Variants in NAV1 observed in about 807,000 individuals in gnomAD.
The protein encoded by NAV1 is pore membrane and/or filament interacting like protein 3.
NAV1 carries 18 observed loss-of-function variants against 175.2 expected under a neutral mutation model. That is an observed-to-expected ratio of 0.10 (90% confidence interval 0.07 to 0.15). The LOEUF (loss-of-function observed/expected upper bound fraction) is 0.15, where lower values mean the gene tolerates loss of function less well. Ranked by LOEUF, NAV1 falls within the 10% of genes least tolerant of loss-of-function variation. The pLI is 1.00. For missense variants in NAV1, 1,731 were observed against 2,436.6 expected (o/e 0.71, Z 6.10); for synonymous variants, 897 against 978.7 (o/e 0.92, Z 1.56).
At chr1:201,800,012 T>C (rs932118379) in intron 15 of NAV1, among the ~76,000 whole-genome samples, 1 of 152,092 alleles carries the variant, frequency 6.6e-6, no homozygotes, top group Non-Finnish European at 1.5e-5. Flanking sequence ...TATTTATTTA[T>C]TTTTTGAGAG....
rs368056560 is a variant in NAV1, at chr1:201,748,464, A to ACCAGCCT, written c.1226+29713_1226+29719dup. ...CTGCAGTTACCTCAGCAGGGAACCT[A>ACCAGCCT]CCAGCCTCCACCAAGCTCTACCCCT... On this transcript the variant is annotated intron_variant, in intron 3 of 29. Coordinates refer to ENST00000367296, the Ensembl canonical transcript of NAV1. Among the ~76,000 whole-genome samples the ACCAGCCT allele has an allele frequency of 7.0e-4, 107 of 151,980 alleles. 1 individual carries two copies. Among genetic ancestry groups the ACCAGCCT allele is most frequent in the African/African-American group, 2.4e-3 (99 of 41,476 alleles).
Position 201,726,074 on chromosome 1 carries a change from A to C in NAV1, c.1226+7319A>C, listed in dbSNP as rs564101165. On this transcript the variant is annotated intron_variant, in intron 3 of 29. Coordinates refer to ENST00000367296, the Ensembl canonical transcript of NAV1. ...TGATAGCTGTTGCTTCATTGAAGAT[A>C]ATATCTAACAATTAGAATGCTGACT... Among the ~76,000 whole-genome samples the C allele has an allele frequency of 5.2e-5, 8 of 152,402 alleles. No individual in the cohort carries two copies. The South Asian group carries it at 1.2e-3, about 24-fold the overall frequency.
chr1:201,785,419 C>T (rs1571491832), intron 8 of NAV1, 68 bp downstream of exon 12: 1 of 1,493,382 alleles, frequency 6.7e-7, no homozygotes, highest in Non-Finnish European at 9.2e-7. Context: ...AATCATATCT[C>T]AACCTGTCCA....
At chr1:201,604,633 G>T (rs1329139512) in intron 2 of NAV1, among the ~76,000 whole-genome samples, 3 of 148,106 alleles carry the variant, frequency 2.0e-5, no homozygotes, top group Non-Finnish European at 4.4e-5. Context: ...AGTGAGCCGA[G>T]ATCGTGCCAC....
upstream of NAV1, among the ~76,000 whole-genome samples, chr1:201,648,016 C>G (rs936493422): frequency 6.6e-6 from 1 of 151,462 alleles, no homozygotes; most frequent in Non-Finnish European, 1.5e-5. Flanking sequence ...CCCTACCCCC[C>G]ACTCATCCGC....
intron 3 of NAV1, among the ~76,000 whole-genome samples, chr1:201,731,341 G>A (rs779464005): frequency 5.9e-5 from 9 of 152,208 alleles, no homozygotes; most frequent in Admixed American, 3.3e-4. Context: ...CAGGCCCGCC[G>A]ATGTGCAGGG....
chr1:201,712,377 C>T (rs148339789), intron 1 of NAV1, among the ~76,000 whole-genome samples: 6 of 152,322 alleles, frequency 3.9e-5, no homozygotes, highest in South Asian at 4.1e-4. Context: ...CACCACACAT[C>T]GGTGTCCCCT....
intron 3 of NAV1, among the ~76,000 whole-genome samples, chr1:201,753,789 G>T (rs996469012): frequency 1.3e-5 from 2 of 152,194 alleles, no homozygotes; most frequent in African/African-American, 4.8e-5. Flanking sequence ...CACACTGGGG[G>T]TTACATAAAG....
intron 3 of NAV1, among the ~76,000 whole-genome samples, chr1:201,775,634 G>A (rs560231354): frequency 2.6e-5 from 4 of 152,208 alleles, no homozygotes; most frequent in Admixed American, 6.5e-5. Context: ...ACTATGCAAG[G>A]ACATTGGAAA....
chr1:201,789,300 G>A (rs925173369), intron 10 of NAV1, among the ~76,000 whole-genome samples: 15 of 152,166 alleles, frequency 9.9e-5, no homozygotes, highest in African/African-American at 3.4e-4. Context: ...TCATCTGAAT[G>A]ATCCCCAAGA....
intron 2 of NAV1, among the ~76,000 whole-genome samples, chr1:201,634,646 G>A (rs1238964193): frequency 1.3e-5 from 2 of 152,196 alleles, no homozygotes; most frequent in Admixed American, 6.5e-5. Flanking sequence ...TACAGGAGGA[G>A]GGAGGAGATT....
intron 6 of NAV1, 148 bp downstream of exon 10, chr1:201,783,017 CAAGGTTCTGAAAG>C: frequency 1.5e-6 from 1 of 686,522 alleles, no homozygotes; most frequent in Non-Finnish European, 2.4e-6. Context: ...CCCCATATGC[CAAGGTTCTGAAAG>C]AATCTAGTTT....
At chr1:201,803,450 A>G in intron 15 of NAV1, 143 bp from the exon 20 acceptor site, 1 of 787,802 alleles carries the variant, frequency 1.3e-6, no homozygotes, top group Non-Finnish European at 2.0e-6. Flanking sequence ...ATGTTTGCTG[A>G]ATGAATGATC....
chr1:201,789,106 G>A (rs1349403714), intron 10 of NAV1, among the ~76,000 whole-genome samples: 1 of 152,190 alleles, frequency 6.6e-6, no homozygotes, highest in Non-Finnish European at 1.5e-5. Flanking sequence ...CCATCTGATT[G>A]TTGGTGGTGA....
intron 1 of NAV1, among the ~76,000 whole-genome samples, chr1:201,678,563 T>G (rs1670349085): frequency 1.3e-5 from 2 of 152,146 alleles, no homozygotes; most frequent in South Asian, 4.2e-4. Context: ...TCTCCTATAG[T>G]GAGTTTCCTA....
chr1:201,769,047 TG>T (rs1430889660), intron 3 of NAV1, among the ~76,000 whole-genome samples: 2 of 152,226 alleles, frequency 1.3e-5, no homozygotes, highest in Non-Finnish European at 2.9e-5. Flanking sequence ...TGAGTCTGTA[TG>T]TATTTAATTC....
intron 2 of NAV1, among the ~76,000 whole-genome samples, chr1:201,617,192 T>C (rs1008836507): frequency 6.9e-6 from 1 of 144,150 alleles, no homozygotes; most frequent in Non-Finnish European, 1.5e-5. Context: ...CTGATAAGAT[T>C]CCCCAATCTC....
intron 1 of NAV1, among the ~76,000 whole-genome samples, chr1:201,669,330 G>A (rs894919545): frequency 1.3e-5 from 2 of 152,178 alleles, no homozygotes; most frequent in African/African-American, 2.4e-5. Context: ...CTCTGAGGAG[G>A]TGAGCCTTCA....
chr1:201,631,315 G>C (rs1031261541), intron 2 of NAV1, among the ~76,000 whole-genome samples: 4 of 152,206 alleles, frequency 2.6e-5, no homozygotes, highest in Admixed American at 6.5e-5. Flanking sequence ...TTCTGAGCTT[G>C]AAGAAAACAG....
Sources: gnomAD v4.1 joint callset for allele counts (sites outside exome capture counted in the v4.1 genomes callset) on GRCh38, gnomAD v4.1.1 for gene constraint, MANE v1.5 for transcripts, NCBI Gene and HGNC (gene_info 2026-07-23, HGNC 2026-07-21) for gene names.